Variants in FHIT observed in about 807,000 individuals in gnomAD.
The protein encoded by FHIT is bis(5'-adenosyl)-triphosphatase.
Under a neutral mutation model 17.9 loss-of-function variants are expected in FHIT, and 19 were observed. The ratio of observed to expected loss-of-function variants is 1.06; its 90% CI spans 0.74 to 1.56. FHIT has a LOEUF of 1.56. FHIT is among the 40% of genes most tolerant of loss of function. The pLI, the probability that FHIT is intolerant of heterozygous loss-of-function variation, is 0.00. For synonymous variants in FHIT, 81 were observed against 69.7 expected (o/e 1.16, Z -0.81); for missense variants, 248 against 189.2 (o/e 1.31, Z -1.82).
At chr3:60,232,891 T>C (rs969924568) in intron 5 of FHIT, among the ~76,000 whole-genome samples, 1 of 152,328 alleles carries the variant, frequency 6.6e-6, no homozygotes, top group Non-Finnish European at 1.5e-5. Flanking sequence ...GGATATGTGA[T>C]GACACTAAGG....
intron 5 of FHIT, among the ~76,000 whole-genome samples, chr3:60,251,290 A>C (rs1302860080): frequency 1.3e-5 from 2 of 152,212 alleles, no homozygotes; most frequent in African/African-American, 4.8e-5. Context: ...ATTTTATGGA[A>C]TGCCTTGGCT....
chr3:60,884,923 AAG>A (rs1705150784), intron 3 of FHIT, among the ~76,000 whole-genome samples: 1 of 151,278 alleles, frequency 6.6e-6, no homozygotes, highest in African/African-American at 2.4e-5. Flanking sequence ...AAAAAAAAAA[AAG>A]AAGAAGAAGA....
intron 7 of FHIT, among the ~76,000 whole-genome samples, chr3:59,968,942 T>G (rs570624086): frequency 1.5e-4 from 23 of 152,280 alleles, no homozygotes; most frequent in African/African-American, 5.1e-4. Context: ...TTCCCACACA[T>G]TCTTCACTAG....
At chr3:60,521,517 G>A (rs925508359) in intron 5 of FHIT, among the ~76,000 whole-genome samples, 4 of 152,114 alleles carry the variant, frequency 2.6e-5, no homozygotes, top group South Asian at 2.1e-4. Context: ...AAAGTGCTGG[G>A]ATTACAGGCA....
At chr3:61,214,127 G>A (rs12361186) in intron 1 of FHIT, among the ~76,000 whole-genome samples, 59,103 of 150,846 alleles carry the variant, frequency 0.39, 11,766 homozygotes, top group East Asian at 0.52. Flanking sequence ...GCATTCAAAA[G>A]CTAGCAAAAG....
In FHIT at chr3:60,420,673, A is replaced by G. The variant is rs569630754; in HGVS notation, c.103+116187T>C. ...GCTATTTCTCTCTGGCAAACTGCTC[A>G]TTCATAATCATTGCCCAGTTTTCAT... On this transcript the variant is annotated intron_variant, in intron 5 of 9. Coordinates refer to ENST00000492590, the MANE Select transcript of FHIT (RefSeq NM_002012.4). Among the ~76,000 whole-genome samples the G allele has an allele frequency of 7.2e-5, 11 of 152,264 alleles. No individual in the cohort carries two copies. The South Asian group carries it at 2.1e-3, about 29-fold the overall frequency.
chr3:59,981,850 T>G (rs1419488108), intron 7 of FHIT, among the ~76,000 whole-genome samples: 1 of 152,160 alleles, frequency 6.6e-6, no homozygotes, highest in African/African-American at 2.4e-5. Context: ...AGAAAAAGTC[T>G]GATGTGGTTA....
chr3:60,094,802 G>GGA (rs10575196), intron 5 of FHIT, among the ~76,000 whole-genome samples: 6 of 139,096 alleles, frequency 4.3e-5, no homozygotes, highest in Admixed American at 1.5e-4. Context: ...AAGGGGTGGG[G>GGA]GAGAGAGAGA....
In FHIT at chr3:61,086,557, T is replaced by C. The variant is rs532732709; in HGVS notation, c.-163-44458A>G. ...TTTTAAGCTTTTCAGGTCTTTGTCA[T>C]TTACAAATCAACAAATGCTTCAAAA... is the stretch of plus-strand genomic sequence containing the variant. On this transcript the variant is annotated intron_variant, in intron 2 of 9. Transcript: ENST00000492590. Among the ~76,000 whole-genome samples the C allele has an allele frequency of 4.7e-4, 71 of 152,286 alleles. 1 individual carries two copies. The South Asian group carries it at 7.7e-3, about 16-fold the overall frequency.
At chr3:59,760,736 C>T (rs922651548) in intron 8 of FHIT, among the ~76,000 whole-genome samples, 2 of 152,258 alleles carry the variant, frequency 1.3e-5, no homozygotes, top group South Asian at 2.1e-4. Flanking sequence ...ATCAGTAATT[C>T]TATCCTCAAA....
At chr3:60,604,756 C>T (rs782300203) in intron 4 of FHIT, among the ~76,000 whole-genome samples, 1 of 152,128 alleles carries the variant, frequency 6.6e-6, no homozygotes, top group South Asian at 2.1e-4. Context: ...GCTCATTTTC[C>T]CTCTCACTTA....
chr3:59,890,728 T>C (rs55748694), intron 8 of FHIT, among the ~76,000 whole-genome samples: 1 of 152,190 alleles, frequency 6.6e-6, no homozygotes, highest in Non-Finnish European at 1.5e-5. Context: ...AAAAATATCA[T>C]AGTTCAAAGT....
At chr3:59,998,398 T>C (rs3772505) in intron 7 of FHIT, among the ~76,000 whole-genome samples, 52,534 of 151,906 alleles carry the variant, frequency 0.35, 11,036 homozygotes, top group East Asian at 0.55. Context: ...GGAGCAAATA[T>C]TGCCTAGTAA....
At chr3:60,043,277 A>G (rs1238775619) in intron 5 of FHIT, among the ~76,000 whole-genome samples, 1 of 152,250 alleles carries the variant, frequency 6.6e-6, no homozygotes, top group Non-Finnish European at 1.5e-5. Context: ...TAAACCCATG[A>G]TAATACTTTT....
chr3:60,631,384 T>C (rs2039437808), intron 4 of FHIT, among the ~76,000 whole-genome samples: 1 of 152,166 alleles, frequency 6.6e-6, no homozygotes, highest in Non-Finnish European at 1.5e-5. Flanking sequence ...CAAGAGCCTG[T>C]CTTTCCAGCA....
At chr3:60,434,182 G>A (rs79096395) in intron 5 of FHIT, among the ~76,000 whole-genome samples, 3,820 of 152,006 alleles carry the variant, frequency 0.025, 60 homozygotes, top group African/African-American at 0.036. Context: ...TGTCTGTACC[G>A]TTTCTCTCAA....
At chr3:60,883,752 T>C (rs1264025848) in intron 3 of FHIT, among the ~76,000 whole-genome samples, 2 of 152,068 alleles carry the variant, frequency 1.3e-5, no homozygotes, top group East Asian at 1.9e-4. Flanking sequence ...CCTCGAACTA[T>C]AAAACTAAGA....
intron 5 of FHIT, among the ~76,000 whole-genome samples, chr3:60,349,040 C>A (rs542125642): frequency 1.3e-5 from 2 of 152,312 alleles, no homozygotes; most frequent in Admixed American, 6.5e-5. Flanking sequence ...CACTACTTGA[C>A]ATCCAACAGA....
chr3:60,217,242 C>T lies in FHIT; in HGVS notation c.104-203090G>A, dbSNP rs1703737192. On this transcript the variant is annotated intron_variant, in intron 5 of 9. Transcript: ENST00000492590. ...CCATAGCTCAAACATAGGATTTCTGCTTCATGGCCTAATTTGATGTTTTTT... is the reference window on the plus strand; with the variant it reads ...CCATAGCTCAAACATAGGATTTCTGTTTCATGGCCTAATTTGATGTTTTTT... 1.3e-5 allele frequency among the ~76,000 whole-genome samples: 2 copies of T among 151,990 alleles called. 1 individual carries two copies.
Sources: gnomAD v4.1 joint callset for allele counts (sites outside exome capture counted in the v4.1 genomes callset) on GRCh38, gnomAD v4.1.1 for gene constraint, MANE v1.5 for transcripts, NCBI Gene and HGNC (gene_info 2026-07-23, HGNC 2026-07-21) for gene names.